MOAP1: variants seen among roughly 807,000 people sequenced by gnomAD.
MOAP1 encodes the protein modulator of apoptosis 1, also known as MAP1.
For missense variants in MOAP1, 385 were observed against 418.6 expected (o/e 0.92, Z 0.70); for synonymous variants, 150 against 161.0 (o/e 0.93, Z 0.52).
chr14:93,183,713 C>G lies in MOAP1; in HGVS notation c.530G>C (p.Gly177Ala). 6.2e-7 allele frequency: 1 copy of G among 1,614,164 alleles called. No individual in the cohort carries two copies. The highest frequency in any genetic ancestry group is 8.5e-7 in the Non-Finnish European group (1 of 1,180,038). ...VFSGRESPEP[G>A]EEEFGRWMFH... ...CATCCAGCGTCCAAATTCTTCTTCT[C>G]CTGGTTCTGGAGACTCCCTGCCCGA... Residue 177 changes from glycine to alanine, a missense_variant, in exon 3 of 3, where the codon GGA becomes GCA. Gly to Ala is a moderately conservative substitution (Grantham distance 60). Coordinates refer to ENST00000298894, the MANE Select transcript of MOAP1 (RefSeq NM_022151.5).
chr14:93,183,891 C>T lies in MOAP1; in HGVS notation c.352G>A (p.Gly118Ser). The T allele has an allele frequency of 1.2e-6, 2 of 1,614,056 alleles. No individual in the cohort carries two copies. The highest frequency in any genetic ancestry group is 1.7e-6 in the Non-Finnish European group (2 of 1,180,034). ...TGTCCAAGAGCTCTGCTCAACTCAC[C>T]CACTGTCATGCCCTCTCCCGCTAAA... Reference protein sequence around the residue: ...EFLAGEGMTVGELSRALGHEN... With the variant: ...EFLAGEGMTVSELSRALGHEN... The change falls in exon 3 of 3, where the codon GGT becomes AGT. Residue 118 changes from glycine to serine, a missense_variant. Physicochemically the swap from Gly to Ser is moderately conservative, Grantham distance 56. Transcript: ENST00000298894.
rs896478426 is a variant in MOAP1 at position 93,183,695 on chromosome 14, C to A, written c.548G>T (p.Arg183Leu). The A allele has an allele frequency of 1.2e-6, 2 of 1,614,018 alleles. No homozygotes were observed. Residue 183 changes from arginine (R) to leucine (L), a missense_variant, in exon 3 of 3, where the codon CGC becomes CTC. By Grantham distance (102) the Arg-to-Leu change is moderately radical. Coordinates refer to ENST00000298894, the MANE Select transcript of MOAP1 (RefSeq NM_022151.5). The part of the protein sequence containing the change: ...SPEPGEEEFG[R>L]WMFHTTQMIK... The stretch of plus-strand genomic sequence containing the variant: ...CATCTGAGTAGTATGAAACATCCAG[C>A]GTCCAAATTCTTCTTCTCCTGGTTC...
At position 93,184,796 on chromosome 14, in the gene MOAP1, A is replaced by C. The variant is rs1193360207; in HGVS notation, c.-276+14T>G. ...TGAGGAGCGCTGAGTCGCCAGACCC[A>C]GAGAGCCACCCACCTGGAGGGACGT... On this transcript the variant is annotated intron_variant, in intron 1 of 2. Coordinates refer to ENST00000298894, the MANE Select transcript of MOAP1 (RefSeq NM_022151.5). The surrounding 1 kb of genome is among the most constrained non-coding windows in gnomAD (Gnocchi z 4.2). 6.5e-6 allele frequency: 1 copy of C among 152,786 alleles called. No homozygotes were observed. Among genetic ancestry groups the C allele is most frequent in the African/African-American group, 2.4e-5 (1 of 41,456 alleles). 9.5% of individuals were successfully genotyped at this position (152,786 alleles called of 1,614,324 possible). A position where few individuals can be genotyped will look rare whatever the true frequency, so the allele number is the denominator to read the frequency against.
rs747418555 is a variant in MOAP1 at position 93,184,068 on chromosome 14, C to T, written c.175G>A (p.Asp59Asn). The change falls in exon 3 of 3, where the codon GAT becomes AAT. Residue 59 changes from aspartate to asparagine, a missense_variant. Asp to Asn is a conservative substitution (Grantham distance 23, BLOSUM62 1). Transcript: ENST00000298894. This position sits in a 1 kb window ranked among gnomAD's most constrained non-coding sequence, Gnocchi z 4.2. ...YRLLGRMFRRDENRKVALVGL... is the reference protein window; with the variant it reads ...YRLLGRMFRRNENRKVALVGL... ...ACTAAGGCTACTTTCCTGTTCTCATCCCTCCTGAACATCCTTCCAAGCAGT... is the reference window on the plus strand; with the variant it reads ...ACTAAGGCTACTTTCCTGTTCTCATTCCTCCTGAACATCCTTCCAAGCAGT... The T allele has an allele frequency of 7.6e-5, 123 of 1,613,914 alleles. No homozygotes were observed. Among genetic ancestry groups the T allele is most frequent in the Non-Finnish European group, 1.0e-4 (121 of 1,179,970 alleles).
In MOAP1 at chr14:93,182,370, G is replaced by C. The variant is rs1472289629; in HGVS notation, c.*817C>G. On this transcript the variant is annotated 3_prime_UTR_variant, in exon 3 of 3. Transcript: ENST00000298894. The stretch of plus-strand genomic sequence containing the variant: ...TTCTATTCTGCCTTTTGTTTTGATT[G>C]CACAGAATCAATATAATTCTGATTC... 4 of 152,532 alleles carry C rather than the reference G, an allele frequency of 2.6e-5. No homozygotes were observed. The highest frequency in any genetic ancestry group is 9.7e-5 in the African/African-American group (4 of 41,408). The allele number at this position is 152,532 out of a possible 1,614,324, so 9.4% of individuals were successfully genotyped here. A position where few individuals can be genotyped will look rare whatever the true frequency, so the allele number is the denominator to read the frequency against.
In MOAP1 at chr14:93,183,496, C is replaced by T; in HGVS notation, c.747G>A (p.Glu249=). The change falls in exon 3 of 3, where the codon GAG becomes GAA. Residue 249 remains glutamate (E), a synonymous_variant. Transcript: ENST00000298894. ...EVFGVTDNPR[E]LQVKYLTTYQ... ...AAGTGGTTAGATATTTGACCTGCAA[C>T]TCCCTAGGATTATCTGTAACCCCAA... 1 of 1,614,198 alleles carries T rather than the reference C, an allele frequency of 6.2e-7. No homozygotes were observed. Among genetic ancestry groups the T allele is most frequent in the Non-Finnish European group, 8.5e-7 (1 of 1,180,034 alleles).
Position 93,184,151 on chromosome 14 carries a change from C to G in MOAP1, c.92G>C (p.Ser31Thr). 2 of 1,614,160 alleles carry G rather than the reference C, an allele frequency of 1.2e-6. No homozygotes were observed. The highest frequency in any genetic ancestry group is 2.2e-5 in the South Asian group (2 of 91,086). Residue 31 changes from serine to threonine, a missense_variant, in exon 3 of 3, where the codon AGT becomes ACT. Ser to Thr is a moderately conservative substitution (Grantham distance 58). Coordinates refer to ENST00000298894, the MANE Select transcript of MOAP1 (RefSeq NM_022151.5). This position sits in a 1 kb window ranked among gnomAD's most constrained non-coding sequence, Gnocchi z 4.2. ...CAGAGCCTCCTCGATTTCTGCCACACTGCAGCTCTGGGAGATGCCGGCAAT... is the reference window on the plus strand; with the variant it reads ...CAGAGCCTCCTCGATTTCTGCCACAGTGCAGCTCTGGGAGATGCCGGCAAT... Reference protein sequence around the residue: ...LLIAGISQSCSVAEIEEALQA... With the variant: ...LLIAGISQSCTVAEIEEALQA...
At position 93,183,195 on chromosome 14, in the gene MOAP1, A is replaced by C. The variant is rs1893964290; in HGVS notation, c.1048T>G (p.Phe350Val). 6.2e-7 allele frequency: 1 copy of C among 1,601,514 alleles called. No individual in the cohort carries two copies. Among genetic ancestry groups the C allele is most frequent in the Non-Finnish European group, 8.5e-7 (1 of 1,173,844 alleles). The change falls in exon 3 of 3, where the codon TTC becomes GTC. Residue 350 changes from phenylalanine to valine, a missense_variant. Phe to Val is a conservative substitution (Grantham distance 50, BLOSUM62 -1). Transcript: ENST00000298894. ...ALLQAILEGN[F>V]T ...TCGTGGTTCCCTGAGACTCAGGTGA[A>C]ATTACCTTCCAATATTGCCTGGAGA...
At position 93,184,761 on chromosome 14, in the gene MOAP1, G is replaced by A. The variant is rs1893998389; in HGVS notation, c.-275-48C>T. 1 of 152,160 alleles carries A rather than the reference G, an allele frequency of 6.6e-6. No individual in the cohort carries two copies. The allele number at this position is 152,160 out of a possible 1,614,324, so 9.4% of individuals were successfully genotyped here. On this transcript the variant is annotated intron_variant, in intron 1 of 2. Transcript: ENST00000298894. This position sits in a 1 kb window ranked among gnomAD's most constrained non-coding sequence, Gnocchi z 4.2. Reference sequence around the variant, plus strand: ...GATGACAGTCGCGAGCGGGCACCAGGGGGCAAGGCTGAGGAGCGCTGAGTC... The same window carrying A: ...GATGACAGTCGCGAGCGGGCACCAGAGGGCAAGGCTGAGGAGCGCTGAGTC...
chr14:93,184,221 C>T lies in MOAP1; in HGVS notation c.22G>A (p.Asp8Asn). 2 of 1,598,204 alleles carry T rather than the reference C, an allele frequency of 1.3e-6. No homozygotes were observed. Among genetic ancestry groups the T allele is most frequent in the Non-Finnish European group, 1.7e-6 (2 of 1,173,678 alleles). MTLRLLEDWCRGMDMNPR... is the reference protein window; with the variant it reads MTLRLLENWCRGMDMNPR... Reference sequence around the variant, plus strand: ...TTCATGTCCATCCCCCTGCACCAGTCTTCTAAAAGCCTCAAAGTCATGGTG... The same window carrying T: ...TTCATGTCCATCCCCCTGCACCAGTTTTCTAAAAGCCTCAAAGTCATGGTG... The change falls in exon 3 of 3, where the codon GAC becomes AAC. Residue 8 changes from aspartate (D) to asparagine (N), a missense_variant. Transcript: ENST00000298894. The surrounding 1 kb of genome is among the most constrained non-coding windows in gnomAD (Gnocchi z 4.2).
In MOAP1 at chr14:93,183,370, A is replaced by C. The variant is rs985769493; in HGVS notation, c.873T>G (p.Asn291Lys). 6.2e-7 allele frequency: 1 copy of C among 1,614,072 alleles called. No homozygotes were observed. The highest frequency in any genetic ancestry group is 8.5e-7 in the Non-Finnish European group (1 of 1,180,040). ...QRGAIERDAVNQARLDQVIAG... is the reference protein window; with the variant it reads ...QRGAIERDAVKQARLDQVIAG... ...CAATGACTTGGTCTAGGCGGGCCTGATTCACAGCATCTCTCTCAATTGCTC... is the reference window on the plus strand; with the variant it reads ...CAATGACTTGGTCTAGGCGGGCCTGCTTCACAGCATCTCTCTCAATTGCTC... The change falls in exon 3 of 3, where the codon AAT (asparagine) becomes AAG (lysine). Residue 291 changes from asparagine (N) to lysine (K), a missense_variant. Asn to Lys is a moderately conservative substitution (Grantham distance 94). Transcript: ENST00000298894.
At position 93,182,982 on chromosome 14, in the gene MOAP1, G is replaced by C. The variant is rs1047404365; in HGVS notation, c.*205C>G. On this transcript the variant is annotated 3_prime_UTR_variant, in exon 3 of 3. Coordinates refer to ENST00000298894, the MANE Select transcript of MOAP1 (RefSeq NM_022151.5). ...GATGAATTTAAATAGGTAAATGGCA[G>C]TGTAGAACTACATCCTTCCTAGTCA... The C allele has an allele frequency of 8.0e-5, 49 of 611,302 alleles. No homozygotes were observed. Among genetic ancestry groups the C allele is most frequent in the Non-Finnish European group, 9.7e-5 (36 of 372,342 alleles). 37.9% of individuals were successfully genotyped at this position (611,302 alleles called of 1,614,324 possible).
Position 93,183,539 on chromosome 14 carries a change from T to C in MOAP1, c.704A>G (p.Gln235Arg), listed in dbSNP as rs764677794. Residue 235 changes from glutamine to arginine, a missense_variant, in exon 3 of 3, where the codon CAG becomes CGG. Physicochemically the swap from Gln to Arg is conservative, Grantham distance 43. Transcript: ENST00000298894. ...NPLITVDECLQALEEVFGVTD... is the reference protein window; with the variant it reads ...NPLITVDECLRALEEVFGVTD... ...AACCCCAAATACCTCCTCAAGAGCCTGCAGACATTCATCGACAGTAATTAA... is the reference window on the plus strand; with the variant it reads ...AACCCCAAATACCTCCTCAAGAGCCCGCAGACATTCATCGACAGTAATTAA... 6.8e-6 allele frequency: 11 copies of C among 1,614,224 alleles called. No homozygotes were observed. The South Asian group carries it at 8.8e-5, about 13-fold the overall frequency.
rs1372485729 is a variant in MOAP1 at position 93,184,875 on chromosome 14, G to C, written c.-341C>G. ...CTCCAGCCCGGATTCCACCTGTTTT[G>C]GTCTCGCTCGGGGAAGCTGCGCGGC... On this transcript the variant is annotated 5_prime_UTR_variant, in exon 1 of 3. Coordinates refer to ENST00000298894, the MANE Select transcript of MOAP1 (RefSeq NM_022151.5). This position sits in a 1 kb window ranked among gnomAD's most constrained non-coding sequence, Gnocchi z 4.2. 6.6e-6 allele frequency: 1 copy of C among 152,244 alleles called. No individual in the cohort carries two copies. Among genetic ancestry groups the C allele is most frequent in the African/African-American group, 2.4e-5 (1 of 41,422 alleles). 9.4% of individuals were successfully genotyped at this position (152,244 alleles called of 1,614,324 possible).
At position 93,183,919 on chromosome 14, in the gene MOAP1, T is replaced by G. The variant is rs773834480; in HGVS notation, c.324A>C (p.Glu108Asp). 1.2e-6 allele frequency: 2 copies of G among 1,614,068 alleles called. No homozygotes were observed. Among genetic ancestry groups the G allele is most frequent in the East Asian group, 4.5e-5 (2 of 44,876 alleles). ...PDNTFLSRLN[E>D]FLAGEGMTVG... ...CTGTCATGCCCTCTCCCGCTAAAAA[T>G]TCATTTAATCTGCTTAAAAATGTAT... The change falls in exon 3 of 3, where the codon GAA (glutamate) becomes GAC (aspartate). Residue 108 changes from glutamate to aspartate, a missense_variant. Physicochemically the swap from Glu to Asp is conservative, Grantham distance 45 (BLOSUM62 2). Transcript: ENST00000298894.
At position 93,183,946 on chromosome 14, in the gene MOAP1, A is replaced by T; in HGVS notation, c.297T>A (p.Asp99Glu). ...WRVIFKPPDP[D>E]NTFLSRLNEF... Reference sequence around the variant, plus strand: ...CATTTAATCTGCTTAAAAATGTATTATCTGGGTCAGGGGGCTTAAAGATCA... The same window carrying T: ...CATTTAATCTGCTTAAAAATGTATTTTCTGGGTCAGGGGGCTTAAAGATCA... The change falls in exon 3 of 3, where the codon GAT (aspartate) becomes GAA (glutamate). Residue 99 changes from aspartate (D) to glutamate (E), a missense_variant. By Grantham distance (45) the Asp-to-Glu change is conservative. Coordinates refer to ENST00000298894, the MANE Select transcript of MOAP1 (RefSeq NM_022151.5). 6.2e-7 allele frequency: 1 copy of T among 1,614,060 alleles called. No homozygotes were observed. The highest frequency in any genetic ancestry group is 8.5e-7 in the Non-Finnish European group (1 of 1,180,012).
Position 93,183,357 on chromosome 14 carries a change from C to G in MOAP1, c.886G>C (p.Asp296His). The change falls in exon 3 of 3, where the codon GAC (aspartate) becomes CAC (histidine). Residue 296 changes from aspartate (D) to histidine (H), a missense_variant. By Grantham distance (81) the Asp-to-His change is moderately conservative. Coordinates refer to ENST00000298894, the MANE Select transcript of MOAP1 (RefSeq NM_022151.5). ...TGGACTGCCCCAGCAATGACTTGGTCTAGGCGGGCCTGATTCACAGCATCT... is the reference window on the plus strand; with the variant it reads ...TGGACTGCCCCAGCAATGACTTGGTGTAGGCGGGCCTGATTCACAGCATCT... ...ERDAVNQARL[D>H]QVIAGAVHKT... is the part of the protein sequence containing the mutation. 6.2e-7 allele frequency: 1 copy of G among 1,614,224 alleles called. No individual in the cohort carries two copies. The highest frequency in any genetic ancestry group is 8.5e-7 in the Non-Finnish European group (1 of 1,180,042).
rs1390453370 is a variant in MOAP1, at chr14:93,184,782, G to C, written c.-276+28C>G. ...CCAGGGGGCAAGGCTGAGGAGCGCT[G>C]AGTCGCCAGACCCAGAGAGCCACCC... On this transcript the variant is annotated intron_variant, in intron 1 of 2. Transcript: ENST00000298894. The surrounding 1 kb of genome is among the most constrained non-coding windows in gnomAD (Gnocchi z 4.2). The C allele has an allele frequency of 6.5e-6, 1 of 152,818 alleles. No homozygotes were observed. The highest frequency in any genetic ancestry group is 1.5e-5 in the Non-Finnish European group (1 of 68,514). 9.5% of individuals were successfully genotyped at this position (152,818 alleles called of 1,614,324 possible).
rs1289033186 is a variant in MOAP1, at chr14:93,184,584, C to T, written c.-146G>A. 2 of 152,500 alleles carry T rather than the reference C, an allele frequency of 1.3e-5. No individual in the cohort carries two copies. The highest frequency in any genetic ancestry group is 3.9e-4 in the East Asian group (2 of 5,182). The allele number at this position is 152,500 out of a possible 1,614,324, so 9.4% of individuals were successfully genotyped here. A position where few individuals can be genotyped will look rare whatever the true frequency, so the allele number is the denominator to read the frequency against. On this transcript the variant is annotated 5_prime_UTR_variant, in exon 2 of 3. Coordinates refer to ENST00000298894, the MANE Select transcript of MOAP1 (RefSeq NM_022151.5). The surrounding 1 kb of genome is among the most constrained non-coding windows in gnomAD (Gnocchi z 4.2). ...CGTGATCTAGTGCTCGTGCCCGCGT[C>T]CGTGCGCCGGCGGCCAAGGTGCCTG...
Sources: gnomAD v4.1 joint callset for allele counts on GRCh38, gnomAD v4.1.1 for gene constraint, Gnocchi (gnomAD v3.1) non-coding constraint, MANE v1.5 for transcripts, NCBI Gene and HGNC (gene_info 2026-07-23, HGNC 2026-07-21) for gene names.